ASB15: variants seen among roughly 807,000 people sequenced by gnomAD.
ASB15 encodes the protein ankyrin repeat and SOCS box protein 15.
In ASB15, 54 loss-of-function variants were observed where a neutral mutation model predicts 58.0. That is an observed-to-expected ratio of 0.93 (90% CI 0.75 to 1.17). The LOEUF is 1.17. Among genes scored for constraint, ASB15 ranks in the 50% most tolerant of loss-of-function variants. The pLI, the probability that ASB15 is intolerant of heterozygous loss-of-function variation, is 0.00. For synonymous variants in ASB15, 249 were observed against 262.4 expected, an observed-to-expected ratio of 0.95 and a Z score of 0.50; for missense variants, 680 against 707.4, an observed-to-expected ratio of 0.96 and a Z score of 0.44.
chr7:123,581,414 T>TAAAAAAA (rs10642389), intron 1 of ASB15, among the ~76,000 whole-genome samples: 1 of 124,458 alleles, frequency 8.0e-6, no homozygotes, highest in African/African-American at 3.0e-5. Flanking sequence ...AGTGAGCACT[T>TAAAAAAA]AAAAAAAAAA....
intron 11 of ASB15, among the ~76,000 whole-genome samples, chr7:123,634,925 A>G (rs2116687608): frequency 6.6e-6 from 1 of 152,278 alleles, no homozygotes; most frequent in Middle Eastern, 3.4e-3. Flanking sequence ...TCAATTTGCA[A>G]GAAGTAGAGG....
chr7:123,636,226 G>C (rs913285660), intron 11 of ASB15, among the ~76,000 whole-genome samples: 2 of 152,072 alleles, frequency 1.3e-5, no homozygotes, highest in African/African-American at 4.8e-5. Flanking sequence ...TCATATTGCT[G>C]CTATAAAATC....
intron 2 of ASB15, among the ~76,000 whole-genome samples, chr7:123,606,847 T>C (rs186380194): frequency 9.1e-4 from 139 of 152,364 alleles, no homozygotes; most frequent in African/African-American, 3.0e-3. Flanking sequence ...CATTTATTCA[T>C]CTGTCAATGG....
chr7:123,629,979 T>A lies in ASB15; in HGVS notation c.1454T>A (p.Ile485Asn), dbSNP rs749906069. ...VIKDNPFCEF[I>N]TVPWMKHLVG... is the part of the protein sequence containing the mutation. ...CAATTCTCTCAGTTCTGTGAGTTTA[T>A]TACAGTTCCTTGGATGAAGCACTTG... Residue 485 changes from isoleucine to asparagine, a missense_variant, in exon 11 of 12, where the codon ATT becomes AAT. Physicochemically the swap from Ile to Asn is moderately radical, Grantham distance 149. Coordinates refer to ENST00000451215, the MANE Select transcript of ASB15 (RefSeq NM_001290258.2). 1 of 1,588,488 alleles carries A rather than the reference T, an allele frequency of 6.3e-7. No individual in the cohort carries two copies. The highest frequency in any genetic ancestry group is 8.6e-7 in the Non-Finnish European group (1 of 1,161,544).
intron 8 of ASB15, among the ~76,000 whole-genome samples, chr7:123,626,499 TAAG>T (rs1801784128): frequency 6.6e-6 from 1 of 151,878 alleles, no homozygotes; most frequent in South Asian, 2.1e-4. Flanking sequence ...ATAAATAAAA[TAAG>T]AAACTACTGT....
chr7:123,601,509 A>G (rs953974971), upstream of ASB15, among the ~76,000 whole-genome samples: 1 of 152,198 alleles, frequency 6.6e-6, no homozygotes, highest in African/African-American at 2.4e-5. Flanking sequence ...TTAGGCTCTG[A>G]CAACACAAAG....
chr7:123,617,435 T>C (rs1040573823), intron 6 of ASB15, 144 bp from the exon 7 acceptor site: 1 of 740,422 alleles, frequency 1.4e-6, no homozygotes, highest in African/African-American at 1.8e-5. Context: ...TCACCGTCAT[T>C]TGGTAAACTT....
intron 8 of ASB15, among the ~76,000 whole-genome samples, chr7:123,626,199 A>G (rs1801762603): frequency 6.6e-6 from 1 of 152,218 alleles, no homozygotes; most frequent in Non-Finnish European, 1.5e-5. Context: ...AACTGTAAGT[A>G]TTTGTTAAGT....
chr7:123,604,996 C>G (rs1800072710), intron 2 of ASB15, among the ~76,000 whole-genome samples: 2 of 152,034 alleles, frequency 1.3e-5, no homozygotes, highest in East Asian at 1.9e-4. Context: ...TCAACTGCCT[C>G]CAACAGAAAG....
At chr7:123,575,851 A>G (rs1255303242) in intron 1 of ASB15, among the ~76,000 whole-genome samples, 4 of 142,848 alleles carry the variant, frequency 2.8e-5, no homozygotes, top group Non-Finnish European at 6.0e-5. Flanking sequence ...TGACACTCCT[A>G]GACTATGTCT....
chr7:123,616,102 C>T, intron 4 of ASB15, 119 bp from the exon 5 acceptor site: 1 of 825,640 alleles, frequency 1.2e-6, no homozygotes, highest in Non-Finnish European at 1.9e-6. Context: ...TTATATGCAT[C>T]TCCTTTGGAT....
At chr7:123,574,337 C>G (rs1799002763) in intron 1 of ASB15, among the ~76,000 whole-genome samples, 1 of 151,978 alleles carries the variant, frequency 6.6e-6, no homozygotes, top group Non-Finnish European at 1.5e-5. Flanking sequence ...GACAGTGGCT[C>G]TCAAATTTTA....
chr7:123,623,955 GAAAGAAA>G (rs1562935957), intron 7 of ASB15, among the ~76,000 whole-genome samples: 35 of 117,302 alleles, frequency 3.0e-4, no homozygotes, highest in African/African-American at 9.3e-4. Context: ...AAGAAAGAAA[GAAAGAAA>G]GAAAGAAAGA....
rs567952767 is a variant in ASB15 at position 123,608,614 on chromosome 7, G to A, written c.-43G>A. Reference sequence around the variant, plus strand: ...CTTAGGATTTCTCTTCAGTAGAAAAGGCAAATACCATAAAGAAGGAATCGC... The same window carrying A: ...CTTAGGATTTCTCTTCAGTAGAAAAAGCAAATACCATAAAGAAGGAATCGC... On this transcript the variant is annotated 5_prime_UTR_variant, in exon 3 of 12. Coordinates refer to ENST00000451215, the MANE Select transcript of ASB15 (RefSeq NM_001290258.2). 4 of 152,248 alleles carry A rather than the reference G, an allele frequency of 2.6e-5. No homozygotes were observed. The East Asian group carries it at 7.7e-4, about 29-fold the overall frequency. 9.4% of individuals were successfully genotyped at this position (152,248 alleles called of 1,614,324 possible).
intron 1 of ASB15, among the ~76,000 whole-genome samples, chr7:123,582,020 G>A (rs1799248391): frequency 6.6e-6 from 1 of 151,966 alleles, no homozygotes; most frequent in Non-Finnish European, 1.5e-5. Context: ...TTCCATTTGT[G>A]AATAGAGAAC....
At position 123,567,089 on chromosome 7, in the gene ASB15, G is replaced by T. The variant is rs1165591585; in HGVS notation, c.-443+1G>T. ...ATAGAGCTATTTGATCCTGACTAAG[G>T]TACTGCATAATTAAGTTTCATGTAG... On this transcript the variant is annotated splice_donor_variant, in intron 1 of 13. Transcript: ENST00000451558. LOFTEE classifies it low-confidence loss of function (5UTR_SPLICE). 1 of 152,162 alleles carries T rather than the reference G, an allele frequency of 6.6e-6. No individual in the cohort carries two copies. The highest frequency in any genetic ancestry group is 1.9e-4 in the East Asian group (1 of 5,196). The allele number at this position is 152,162 out of a possible 1,614,324, so 9.4% of individuals were successfully genotyped here. A position where few individuals can be genotyped will look rare whatever the true frequency, so the allele number is the denominator to read the frequency against.
At chr7:123,606,427 TG>T (rs1319080349) in intron 2 of ASB15, among the ~76,000 whole-genome samples, 10 of 152,210 alleles carry the variant, frequency 6.6e-5, no homozygotes, top group African/African-American at 1.9e-4. Flanking sequence ...GAGAGGGCTT[TG>T]TAAGCTTTGC....
At chr7:123,636,006 T>C (rs539843845) in intron 11 of ASB15, among the ~76,000 whole-genome samples, 27 of 152,154 alleles carry the variant, frequency 1.8e-4, no homozygotes, top group Non-Finnish European at 3.1e-4. Context: ...TTTCTAATAC[T>C]TTACATGATT....
intron 1 of ASB15, among the ~76,000 whole-genome samples, chr7:123,590,891 G>A (rs550112446): frequency 5.3e-5 from 8 of 152,116 alleles, no homozygotes; most frequent in Non-Finnish European, 1.2e-4. Flanking sequence ...ACCTTGGGCA[G>A]TATGGCCATT....
Sources: gnomAD v4.1 joint callset for allele counts (sites outside exome capture counted in the v4.1 genomes callset) on GRCh38, gnomAD v4.1.1 for gene constraint, MANE v1.5 for transcripts, NCBI Gene and HGNC (gene_info 2026-07-23, HGNC 2026-07-21) for gene names.